The following PRTFDC1 variants were observed in gnomAD, a reference collection of about 807,000 sequenced individuals.
PRTFDC1 encodes the protein phosphoribosyltransferase domain-containing protein 1.
PRTFDC1 carries 38 observed loss-of-function variants against 34.6 expected under a neutral mutation model. The observed-to-expected ratio is 1.10, with a 90% CI of 0.85 to 1.44. The LOEUF is 1.44. PRTFDC1 is among the 40% of genes most tolerant of loss of function. The pLI, the probability that PRTFDC1 is intolerant of heterozygous loss-of-function variation, is 0.00. For missense variants in PRTFDC1, 270 were observed against 283.0 expected, an observed-to-expected ratio of 0.95 and a Z score of 0.33; for synonymous variants, 93 against 98.1, an observed-to-expected ratio of 0.95 and a Z score of 0.31.
intron 3 of PRTFDC1, among the ~76,000 whole-genome samples, chr10:24,876,680 C>A (rs994341962): frequency 1.3e-5 from 2 of 151,564 alleles, no homozygotes; most frequent in East Asian, 1.9e-4. Context: ...TGTGACAGAG[C>A]GAGACTCCAT....
chr10:24,883,537 C>G (rs190664345), intron 3 of PRTFDC1, among the ~76,000 whole-genome samples: 1 of 152,160 alleles, frequency 6.6e-6, no homozygotes, highest in East Asian at 1.9e-4. Context: ...TATAGATGAC[C>G]CCAGGAAAAG....
At chr10:24,861,157 C>G (rs1445284740) in intron 4 of PRTFDC1, among the ~76,000 whole-genome samples, 1 of 152,076 alleles carries the variant, frequency 6.6e-6, no homozygotes, top group Admixed American at 6.6e-5. Flanking sequence ...AAGACACTGT[C>G]AAAATTATTC....
intron 4 of PRTFDC1, among the ~76,000 whole-genome samples, chr10:24,871,183 G>A (rs1166737465): frequency 6.6e-6 from 1 of 150,822 alleles, no homozygotes; most frequent in East Asian, 1.9e-4. Flanking sequence ...ATTGCATAAC[G>A]ATAACAAGCA....
intron 1 of PRTFDC1, among the ~76,000 whole-genome samples, chr10:24,943,541 A>G (rs757944355): frequency 1.8e-5 from 2 of 114,192 alleles, no homozygotes; most frequent in Non-Finnish European, 3.4e-5. Context: ...CCAGTTTCCC[A>G]TTCTTTTTTT....
At chr10:24,942,947 C>A (rs752639646) in intron 1 of PRTFDC1, among the ~76,000 whole-genome samples, 2 of 151,900 alleles carry the variant, frequency 1.3e-5, no homozygotes, top group African/African-American at 4.8e-5. Context: ...CACACCTGGC[C>A]TATCATACAA....
At chr10:24,866,045 C>T (rs984824852) in intron 4 of PRTFDC1, among the ~76,000 whole-genome samples, 4 of 151,988 alleles carry the variant, frequency 2.6e-5, no homozygotes, top group Middle Eastern at 3.2e-3. Context: ...TGGCAGTTTC[C>T]GATGCTTCAC....
chr10:24,924,724 C>T (rs138036145), intron 3 of PRTFDC1, among the ~76,000 whole-genome samples: 2 of 152,160 alleles, frequency 1.3e-5, no homozygotes, highest in Non-Finnish European at 2.9e-5. Context: ...AAAAAATGCT[C>T]ATCATCACTG....
chr10:24,863,761 A>G (rs1565258592), intron 4 of PRTFDC1, among the ~76,000 whole-genome samples: 1 of 152,102 alleles, frequency 6.6e-6, no homozygotes, highest in Non-Finnish European at 1.5e-5. Flanking sequence ...ACCCTCATGC[A>G]TAACTTTGAG....
intron 3 of PRTFDC1, among the ~76,000 whole-genome samples, chr10:24,922,034 T>C (rs1289598974): frequency 2.0e-5 from 3 of 152,228 alleles, no homozygotes; most frequent in South Asian, 2.1e-4. Flanking sequence ...CATTTTATTA[T>C]ATATCCAACT....
At chr10:24,851,240 T>C (rs995258422) in intron 8 of PRTFDC1, 148 bp downstream of exon 8, 1 of 1,171,678 alleles carries the variant, frequency 8.5e-7, no homozygotes, top group South Asian at 1.7e-5. Context: ...TGGGAGTTAA[T>C]TGGGAGTATG....
chr10:24,919,762 C>T (rs112913543), intron 3 of PRTFDC1, among the ~76,000 whole-genome samples: 41 of 151,872 alleles, frequency 2.7e-4, no homozygotes, highest in African/African-American at 9.9e-4. Context: ...CCAGAATCTA[C>T]AAGGGACTTA....
intron 3 of PRTFDC1, among the ~76,000 whole-genome samples, chr10:24,909,286 A>G (rs1848589721): frequency 6.6e-6 from 1 of 152,224 alleles, no homozygotes; most frequent in Admixed American, 6.5e-5. Context: ...CATCTCAAAA[A>G]AAAGGGGACT....
intron 3 of PRTFDC1, among the ~76,000 whole-genome samples, chr10:24,897,376 C>T (rs955753727): frequency 2.0e-5 from 3 of 152,192 alleles, no homozygotes; most frequent in South Asian, 2.1e-4. Context: ...TAAAAAGGTA[C>T]TCCTACTACC....
At chr10:24,893,187 T>C (rs1202303978) in intron 3 of PRTFDC1, among the ~76,000 whole-genome samples, 3 of 152,254 alleles carry the variant, frequency 2.0e-5, no homozygotes, top group Non-Finnish European at 4.4e-5. Flanking sequence ...AAAATTTTCA[T>C]GAGTCCATCT....
At chr10:24,879,367 G>A (rs1319709373) in intron 3 of PRTFDC1, among the ~76,000 whole-genome samples, 2 of 151,606 alleles carry the variant, frequency 1.3e-5, no homozygotes, top group African/African-American at 2.4e-5. Context: ...TTTTGAGATG[G>A]GGTTTCGCTC....
intron 3 of PRTFDC1, among the ~76,000 whole-genome samples, chr10:24,920,327 A>G (rs1053715317): frequency 1.3e-5 from 2 of 152,040 alleles, no homozygotes; most frequent in African/African-American, 4.8e-5. Flanking sequence ...GTATATATAT[A>G]TATACCATGG....
chr10:24,867,291 C>T (rs1422379861), intron 4 of PRTFDC1, among the ~76,000 whole-genome samples: 1 of 152,160 alleles, frequency 6.6e-6, no homozygotes, highest in Non-Finnish European at 1.5e-5. Context: ...CCTTTTGATA[C>T]CACGATTCCT....
At chr10:24,908,601 G>T (rs527689919) in intron 3 of PRTFDC1, 1 of 1,612,780 alleles carries the variant, frequency 6.2e-7, no homozygotes, top group South Asian at 1.1e-5. Context: ...GATTCTTGCA[G>T]GGGAGCACAG....
chr10:24,898,999 C>T (rs921622241), intron 3 of PRTFDC1, among the ~76,000 whole-genome samples: 1 of 152,174 alleles, frequency 6.6e-6, no homozygotes, highest in African/African-American at 2.4e-5. Context: ...CAGAACCCAG[C>T]CATGCCAGCA....
Sources: allele counts gnomAD v4.1 joint callset (sites outside exome capture counted in the v4.1 genomes callset), GRCh38; gene constraint gnomAD v4.1.1; transcripts MANE v1.5; gene names NCBI Gene and HGNC (gene_info 2026-07-23, HGNC 2026-07-21).